ACYP2: variants seen among roughly 807,000 people sequenced by gnomAD.
The protein encoded by ACYP2 is acylphosphatase 2.
ACYP2 carries 12 observed loss-of-function variants against 11.2 expected under a neutral mutation model. The ratio of observed to expected loss-of-function variants is 1.08; its 90% confidence interval spans 0.69 to 1.74. The LOEUF (loss-of-function observed/expected upper bound fraction) is 1.74. ACYP2 is among the 40% of genes most tolerant of loss of function. ACYP2 has a pLI of 0.00. For missense variants in ACYP2, 134 were observed against 101.9 expected, an observed-to-expected ratio of 1.31 and a Z score of -1.35; for synonymous variants, 43 against 32.2, an observed-to-expected ratio of 1.33 and a Z score of -1.13.
intron 6 of ACYP2, chr2:54,255,850 G>A (rs1460088993): frequency 1.9e-6 from 3 of 1,613,986 alleles, no homozygotes; most frequent in East Asian, 2.2e-5. Context: ...CGAGGCAGAG[G>A]CCGCTTCTAG....
intron 2 of ACYP2, among the ~76,000 whole-genome samples, chr2:54,004,045 G>A (rs1250469486): frequency 2.0e-5 from 3 of 151,822 alleles, no homozygotes; most frequent in South Asian, 4.1e-4. Flanking sequence ...ATGCAATGGC[G>A]CGATCTCAGC....
At chr2:54,244,373 T>C (rs1166417149) in intron 6 of ACYP2, among the ~76,000 whole-genome samples, 1 of 151,862 alleles carries the variant, frequency 6.6e-6, no homozygotes, top group African/African-American at 2.4e-5. Context: ...GGCTAATTTT[T>C]ATATTTTTAG....
chr2:54,254,971 A>G (rs144042681), intron 6 of ACYP2: 3 of 1,613,910 alleles, frequency 1.9e-6, no homozygotes, highest in Non-Finnish European at 2.5e-6. Context: ...CTCCCTTACC[A>G]GGCGACGTCT....
At chr2:54,281,170 C>G (rs1399301006) in intron 6 of ACYP2, among the ~76,000 whole-genome samples, 1 of 152,198 alleles carries the variant, frequency 6.6e-6, no homozygotes, top group African/African-American at 2.4e-5. Context: ...AGTTGATTAC[C>G]TTGACTCAAT....
At chr2:54,117,541 C>T (rs1208316135) in intron 4 of ACYP2, among the ~76,000 whole-genome samples, 1 of 152,158 alleles carries the variant, frequency 6.6e-6, no homozygotes, top group Non-Finnish European at 1.5e-5. Context: ...GATCCTCCTG[C>T]ACTTCGCCTC....
intron 6 of ACYP2, chr2:54,255,782 C>G (rs1188928098): frequency 3.7e-6 from 6 of 1,613,910 alleles, no homozygotes; most frequent in Non-Finnish European, 5.1e-6. Flanking sequence ...TTCTCCCCAC[C>G]TAGGCCGTGC....
At chr2:54,213,757 C>T (rs1343193785) in intron 6 of ACYP2, among the ~76,000 whole-genome samples, 3 of 149,478 alleles carry the variant, frequency 2.0e-5, no homozygotes, top group African/African-American at 7.7e-5. Flanking sequence ...CTTTGCCCCC[C>T]ACCCCACACC....
intron 6 of ACYP2, among the ~76,000 whole-genome samples, chr2:54,251,659 C>CTGTG (rs1314050345): frequency 1.3e-5 from 2 of 152,298 alleles, no homozygotes; most frequent in East Asian, 3.9e-4. Context: ...AAGGCACTGA[C>CTGTG]TGCGTGTGTT....
chr2:54,299,582 ACT>A (rs1689643624), intron 6 of ACYP2, among the ~76,000 whole-genome samples: 1 of 141,576 alleles, frequency 7.1e-6, no homozygotes, highest in African/African-American at 2.8e-5. Context: ...ACAGAGCGAG[ACT>A]CTGTCTCAAA....
intron 6 of ACYP2, among the ~76,000 whole-genome samples, chr2:54,184,629 G>A (rs1683891499): frequency 6.6e-6 from 1 of 152,108 alleles, no homozygotes; most frequent in Non-Finnish European, 1.5e-5. Flanking sequence ...AAACATAGGT[G>A]ATAAATACAA....
chr2:54,009,675 C>T (rs1359398109), intron 2 of ACYP2, among the ~76,000 whole-genome samples: 2 of 151,984 alleles, frequency 1.3e-5, no homozygotes, highest in East Asian at 1.9e-4. Flanking sequence ...AATACAGGAG[C>T]TGGGATGAAA....
chr2:54,202,617 G>A lies in ACYP2; in HGVS notation c.404+63869G>A, dbSNP rs149624752. 2.4e-3 allele frequency among the ~76,000 whole-genome samples: 351 copies of A among 143,992 alleles called. 1 individual carries two copies. The highest frequency in any genetic ancestry group is 8.4e-3 in the African/African-American group (322 of 38,346). 94.5% of individuals were successfully genotyped at this position (143,992 alleles called of 152,430 possible). ...GAGACAGGGTTTTGCCATGTTGGCC[G>A]GGTTGGTTTCGAACTCCTGACCTCA... On this transcript the variant is annotated intron_variant, in intron 6 of 6. Transcript: ENST00000607452.
At chr2:54,119,175 CTT>C (rs1187708301) in intron 4 of ACYP2, among the ~76,000 whole-genome samples, 2 of 143,992 alleles carry the variant, frequency 1.4e-5, no homozygotes. Context: ...TCAGCCTCCT[CTT>C]GAGTAGTTGG....
intron 4 of ACYP2, among the ~76,000 whole-genome samples, chr2:54,130,091 CT>C (rs1180554957): frequency 6.6e-6 from 1 of 151,984 alleles, no homozygotes. Context: ...AATTCCTGTT[CT>C]TATGGAACTG....
Position 54,009,147 on chromosome 2 carries a change from C to G in ACYP2, c.62+35337C>G, listed in dbSNP as rs1283727138. 2.1e-5 allele frequency among the ~76,000 whole-genome samples: 3 copies of G among 146,194 alleles called. No individual in the cohort carries two copies. In the East Asian group the frequency reaches 5.9e-4, roughly 29 times the overall value. On this transcript the variant is annotated intron_variant, in intron 2 of 6. Coordinates refer to ENST00000607452, the MANE Select transcript of ACYP2 (RefSeq NM_001320586.2). ...CAGTCTGGGCAACAGAGCAAGACTC[C>G]ATCTCAAAAAAAAAAAAAATTCAGA... is the stretch of plus-strand genomic sequence containing the variant.
chr2:54,302,729 G>T (rs1689775058), intron 6 of ACYP2, among the ~76,000 whole-genome samples: 1 of 151,884 alleles, frequency 6.6e-6, no homozygotes, highest in African/African-American at 2.4e-5. Flanking sequence ...CCCAAAATCT[G>T]CTCCTCTCAC....
intron 2 of ACYP2, among the ~76,000 whole-genome samples, chr2:54,016,617 G>A (rs901119358): frequency 6.6e-6 from 1 of 152,010 alleles, no homozygotes; most frequent in Non-Finnish European, 1.5e-5. Flanking sequence ...GTCTGTTTGT[G>A]CTGCTATTTA....
chr2:54,275,521 C>T (rs116601192), intron 6 of ACYP2, among the ~76,000 whole-genome samples: 74 of 152,166 alleles, frequency 4.9e-4, no homozygotes, highest in African/African-American at 1.2e-3. Context: ...GAAAACATTT[C>T]TTTAGAACCT....
intron 2 of ACYP2, chr2:53,975,378 T>G (rs1390992642): frequency 2.5e-6 from 1 of 397,742 alleles, no homozygotes; most frequent in Non-Finnish European, 4.4e-6. Flanking sequence ...AGAACACTAT[T>G]GAAATGCTTC....
Sources: allele counts gnomAD v4.1 joint callset (sites outside exome capture counted in the v4.1 genomes callset), GRCh38; gene constraint gnomAD v4.1.1; transcripts MANE v1.5; gene names NCBI Gene and HGNC (gene_info 2026-07-23, HGNC 2026-07-21).